PRSS12: variants seen among roughly 807,000 people sequenced by gnomAD.
PRSS12 encodes serine protease 12, also known as neurotrypsin.
PRSS12 carries 85 observed loss-of-function variants against 104.4 expected under a neutral mutation model. The ratio of observed to expected loss-of-function variants is 0.81; its 90% CI spans 0.68 to 0.98. The LOEUF (loss-of-function observed/expected upper bound fraction) is 0.98, where lower values mean the gene tolerates loss of function less well. PRSS12 is among the 50% of genes least tolerant of loss of function. PRSS12 has a pLI of 0.00. For missense variants in PRSS12, 1,141 were observed against 1,139.2 expected, an observed-to-expected ratio of 1.00 and a Z score of -0.02; for synonymous variants, 454 against 425.2, an observed-to-expected ratio of 1.07 and a Z score of -0.83.
Position 118,335,451 on chromosome 4 carries a change from A to G in PRSS12, c.820+22T>C, listed in dbSNP as rs1724037236. ...TAAAACATAATGAAAGTAAAACAAC[A>G]GAACTTTTTTCTTTTTTTTACCATG... On this transcript the variant is annotated intron_variant, in intron 3 of 12. Transcript: ENST00000296498. 1.9e-6 allele frequency: 3 copies of G among 1,611,328 alleles called. No homozygotes were observed. In the East Asian group the frequency reaches 6.7e-5, roughly 36 times the overall value.
intron 7 of PRSS12, 132 bp downstream of exon 7, chr4:118,313,068 GA>G: frequency 1.0e-6 from 1 of 986,018 alleles, no homozygotes. Context: ...AAAAATTACT[GA>G]AAATTAGACA....
intron 1 of PRSS12, among the ~76,000 whole-genome samples, chr4:118,347,560 A>G (rs911397720): frequency 3.9e-5 from 6 of 152,206 alleles, no homozygotes; most frequent in Non-Finnish European, 7.3e-5. Flanking sequence ...TGGCTTGTAA[A>G]AAAGGGAGGC....
intron 11 of PRSS12, among the ~76,000 whole-genome samples, chr4:118,287,871 TG>T (rs1424942171): frequency 4.6e-5 from 7 of 152,198 alleles, no homozygotes; most frequent in Non-Finnish European, 1.0e-4. Context: ...ATCATTCAGT[TG>T]TTTGCTTTGC....
chr4:118,352,934 G>A lies in PRSS12; in HGVS notation c.-214C>T. The A allele has an allele frequency of 7.9e-7, 1 of 1,263,700 alleles. No homozygotes were observed. Among genetic ancestry groups the A allele is most frequent in the Non-Finnish European group, 1.0e-6 (1 of 970,582 alleles). 78.3% of individuals were successfully genotyped at this position (1,263,700 alleles called of 1,614,324 possible). ...CTGTCCCCTGGCGGCGGCCGCGGGT[G>A]GGGAAATCTGGAGCTCAGCCGAGCC... On this transcript the variant is annotated 5_prime_UTR_variant, in exon 1 of 13. Transcript: ENST00000296498.
chr4:118,320,687 AG>A (rs757379448), intron 4 of PRSS12, among the ~76,000 whole-genome samples: 7 of 152,168 alleles, frequency 4.6e-5, no homozygotes, highest in Non-Finnish European at 8.8e-5. Context: ...CAGGAAGTCA[AG>A]GCTGCAATGA....
intron 11 of PRSS12, among the ~76,000 whole-genome samples, chr4:118,287,341 G>T (rs1485642547): frequency 6.6e-6 from 1 of 152,060 alleles, no homozygotes; most frequent in Non-Finnish European, 1.5e-5. Flanking sequence ...GTAGAGATAG[G>T]GTCTCACTAT....
Position 118,281,881 on chromosome 4 carries a change from G to GC in PRSS12, c.*54_*55insG. 1 of 846,128 alleles carries GC rather than the reference G, an allele frequency of 1.2e-6. No individual in the cohort carries two copies. Among genetic ancestry groups the GC allele is most frequent in the Non-Finnish European group, 2.1e-6 (1 of 478,440 alleles). 52.4% of individuals were successfully genotyped at this position (846,128 alleles called of 1,614,324 possible). ...GTCATCTCTGCTGAGTGCTAATAGT[G>GC]GGGGTTCAAAGTTTTCCATTTGTTT... On this transcript the variant is annotated 3_prime_UTR_variant, in exon 13 of 13. Transcript: ENST00000296498.
In PRSS12 at chr4:118,282,976, A is replaced by G. The variant is rs201731725; in HGVS notation, c.2175T>C (p.Tyr725=). Residue 725 remains tyrosine, a synonymous_variant, in exon 12 of 13, where the codon TAT becomes TAC. Coordinates refer to ENST00000296498, the MANE Select transcript of PRSS12 (RefSeq NM_003619.4). Reference sequence around the variant, plus strand: ...CTTGTAATCTAACCAGGGCTATGTCATAATCACTGCGGTCGGGTCGATACT... The same window carrying G: ...CTTGTAATCTAACCAGGGCTATGTCGTAATCACTGCGGTCGGGTCGATACT... ...HREYRPDRSD[Y]DIALVRLQGP... 143 of 1,614,060 alleles carry G rather than the reference A, an allele frequency of 8.9e-5. No homozygotes were observed. The highest frequency in any genetic ancestry group is 1.1e-4 in the Non-Finnish European group (135 of 1,180,042).
At chr4:118,335,730 A>C in intron 2 of PRSS12, 79 bp from the exon 3 acceptor site, 2 of 1,312,312 alleles carry the variant, frequency 1.5e-6, no homozygotes. Flanking sequence ...TTGAAAAAAA[A>C]TGGAAGAAAT....
At chr4:118,331,627 T>C (rs1308651287) in intron 4 of PRSS12, 89 bp downstream of exon 4, 55 of 1,531,148 alleles carry the variant, frequency 3.6e-5, no homozygotes, top group Non-Finnish European at 4.9e-5. Flanking sequence ...TTCAAGGAAA[T>C]GTGCAATTTA....
chr4:118,283,914 GTGT>G (rs1742954381), intron 11 of PRSS12, among the ~76,000 whole-genome samples: 2 of 152,224 alleles, frequency 1.3e-5, no homozygotes, highest in Non-Finnish European at 1.5e-5. Flanking sequence ...ACCTAAAATA[GTGT>G]TGTGCCATTA....
chr4:118,282,066 C>G lies in PRSS12; in HGVS notation c.2498G>C (p.Arg833Pro). The G allele has an allele frequency of 6.2e-7, 1 of 1,614,152 alleles. No individual in the cohort carries two copies. Among genetic ancestry groups the G allele is most frequent in the Non-Finnish European group, 8.5e-7 (1 of 1,180,014 alleles). The stretch of plus-strand genomic sequence containing the variant: ...ATACACCACCCAGCTCTCTCCGGGC[C>G]GTTCACACATGAGTGGTCCTCCGCT... ...GDSGGPLMCE[R>P]PGESWVVYGV... The change falls in exon 13 of 13, where the codon CGG becomes CCG. Residue 833 changes from arginine (R) to proline (P), a missense_variant. Arg to Pro is a moderately radical substitution (Grantham distance 103, BLOSUM62 -2). Coordinates refer to ENST00000296498, the MANE Select transcript of PRSS12 (RefSeq NM_003619.4).
chr4:118,295,839 A>T lies in PRSS12; in HGVS notation c.1855T>A (p.Cys619Ser). 6.2e-7 allele frequency: 1 copy of T among 1,614,098 alleles called. No homozygotes were observed. Among genetic ancestry groups the T allele is most frequent in the Non-Finnish European group, 8.5e-7 (1 of 1,179,932 alleles). The change falls in exon 10 of 13, where the codon TGT becomes AGT. Residue 619 changes from cysteine (C) to serine (S), a missense_variant. Physicochemically the swap from Cys to Ser is moderately radical, Grantham distance 112 (BLOSUM62 -1). Coordinates refer to ENST00000296498, the MANE Select transcript of PRSS12 (RefSeq NM_003619.4). ...CGACGGTGCAGTAATCTCAAGCCAC[A>T]AACAGATGAGAGGGACTCTGAAGCA... ...NSNKESLSSVCGLRLLHRRQK... is the reference protein window; with the variant it reads ...NSNKESLSSVSGLRLLHRRQK...
chr4:118,306,320 G>A (rs1329211933), intron 8 of PRSS12, among the ~76,000 whole-genome samples: 1 of 152,196 alleles, frequency 6.6e-6, no homozygotes, highest in African/African-American at 2.4e-5. Flanking sequence ...CTAAATGATT[G>A]TGTTAGGCCA....
At chr4:118,331,979 G>T in intron 3 of PRSS12, 113 bp from the exon 4 acceptor site, 1 of 1,348,420 alleles carries the variant, frequency 7.4e-7, no homozygotes. Context: ...TATTTATAAA[G>T]CCACACCAGT....
rs149615970 is a variant in PRSS12, at chr4:118,311,065, T to C, written c.1489+2136A>G. ...GACTCTGTCTCAATTAATTAATTAA[T>C]TAATTAATTAAATTAAGCCTAATTT... On this transcript the variant is annotated intron_variant, in intron 7 of 12. Transcript: ENST00000296498. Among the ~76,000 whole-genome samples the C allele has an allele frequency of 1.6e-4, 25 of 152,064 alleles. No individual in the cohort carries two copies. The East Asian group carries it at 4.4e-3, about 27-fold the overall frequency.
At chr4:118,315,542 A>C (rs1473433490) in intron 6 of PRSS12, among the ~76,000 whole-genome samples, 1 of 152,180 alleles carries the variant, frequency 6.6e-6, no homozygotes, top group Non-Finnish European at 1.5e-5. Flanking sequence ...AACAAGAAAG[A>C]ATAGGCATTC....
chr4:118,290,764 G>A (rs1031766367), intron 11 of PRSS12, among the ~76,000 whole-genome samples: 3 of 151,924 alleles, frequency 2.0e-5, no homozygotes, highest in Non-Finnish European at 4.4e-5. Context: ...CCTGGTCTTG[G>A]TGGCCAGATC....
At chr4:118,299,760 A>AAAATT (rs200574656) in intron 8 of PRSS12, among the ~76,000 whole-genome samples, 778 of 47,934 alleles carry the variant, frequency 0.016, 27 homozygotes, top group East Asian at 0.14. Flanking sequence ...TAAAATAAAT[A>AAAATT]AAATTAAATA....
Sources: gnomAD v4.1 joint callset for allele counts (sites outside exome capture counted in the v4.1 genomes callset) on GRCh38, gnomAD v4.1.1 for gene constraint, MANE v1.5 for transcripts, NCBI Gene and HGNC (gene_info 2026-07-23, HGNC 2026-07-21) for gene names.